BDNF: variants seen among roughly 807,000 people sequenced by gnomAD.
BDNF encodes brain derived neurotrophic factor.
A neutral mutation model predicts 19.5 loss-of-function variants in BDNF; 1 was observed. That is an observed-to-expected ratio of 0.05 (90% CI 0.02 to 0.24). BDNF has a LOEUF of 0.24. Ranked by LOEUF, BDNF falls within the 10% of genes least tolerant of loss-of-function variation. The pLI is 1.00. For synonymous variants in BDNF, 100 were observed against 121.6 expected, an observed-to-expected ratio of 0.82 and a Z score of 1.17; for missense variants, 195 against 317.6, an observed-to-expected ratio of 0.61 and a Z score of 2.93.
At chr11:27,703,987 C>G (rs1345850176), upstream of BDNF, among the ~76,000 whole-genome samples, 1 of 152,290 alleles carries the variant, frequency 6.6e-6, no homozygotes, top group East Asian at 1.9e-4. Context: ...TTGCTTAATT[C>G]AGGTAGCATA....
rs1852524861 is a variant in BDNF, at chr11:27,656,179, A to G, written c.*1642T>C. On this transcript the variant is annotated 3_prime_UTR_variant, in exon 2 of 2. Coordinates refer to ENST00000356660, the MANE Select transcript of BDNF (RefSeq NM_001709.5). ...TTCCCTTACCAAAAGTTCTCAAAAG[A>G]TAAACCCTGGTTTCCTCAAGTCTAG... 6.6e-6 allele frequency: 1 copy of G among 152,180 alleles called. No individual in the cohort carries two copies. 9.4% of individuals were successfully genotyped at this position (152,180 alleles called of 1,614,324 possible).
intron 1 of BDNF, among the ~76,000 whole-genome samples, chr11:27,661,997 C>T (rs1261389923): frequency 1.3e-5 from 2 of 151,366 alleles, no homozygotes; most frequent in African/African-American, 2.4e-5. Flanking sequence ...TCCCTTCTCA[C>T]TTGTTTTGTT....
At chr11:27,674,510 G>T (rs1289029436) in intron 1 of BDNF, 21 of 985,040 alleles carry the variant, frequency 2.1e-5, no homozygotes, top group African/African-American at 3.5e-5. Context: ...TGCATAATGA[G>T]CCATGTGGAC....
chr11:27,699,363 C>G (rs1300727021), intron 1 of BDNF: 75 of 1,613,904 alleles, frequency 4.6e-5, no homozygotes, highest in Non-Finnish European at 6.1e-5. Flanking sequence ...CTATTTCTTT[C>G]CAGGAGTAAC....
chr11:27,673,618 C>A (rs192293149), intron 1 of BDNF, among the ~76,000 whole-genome samples: 2 of 152,204 alleles, frequency 1.3e-5, no homozygotes, highest in African/African-American at 4.8e-5. Context: ...TTTAATAGAC[C>A]CCAGAGCTGT....
At chr11:27,659,650 CGCGCGCGCGTGT>C (rs1051033251) in intron 1 of BDNF, 14 of 331,882 alleles carry the variant, frequency 4.2e-5, no homozygotes, top group Middle Eastern at 1.3e-3. Flanking sequence ...TGTGTGTGTG[CGCGCGCGCGTGT>C]GCGCGCGCTC....
chr11:27,660,045 T>C (rs1590226871), intron 1 of BDNF: 1 of 368,180 alleles, frequency 2.7e-6, no homozygotes, highest in Non-Finnish European at 4.4e-6. Flanking sequence ...TTCTGAGGCA[T>C]GGACTTACAA....
chr11:27,701,089 C>T (rs1171331990), upstream of BDNF: 1 of 1,322,192 alleles, frequency 7.6e-7, no homozygotes, highest in Non-Finnish European at 1.0e-6. Context: ...AAACAGAGTT[C>T]GCGCACTGAC....
chr11:27,668,296 A>G (rs942695582), intron 1 of BDNF, among the ~76,000 whole-genome samples: 3 of 152,234 alleles, frequency 2.0e-5, no homozygotes, highest in Non-Finnish European at 4.4e-5. Flanking sequence ...TATAGCACTA[A>G]ATGCCCACAA....
intron 1 of BDNF, among the ~76,000 whole-genome samples, chr11:27,721,187 C>A (rs780184626): frequency 6.6e-6 from 1 of 152,048 alleles, no homozygotes; most frequent in Non-Finnish European, 1.5e-5. Context: ...CAATATAACA[C>A]ACACCCCCCC....
intron 1 of BDNF, chr11:27,677,729 AATTTT>A (rs1856343462): frequency 6.6e-6 from 1 of 152,208 alleles, no homozygotes; most frequent in African/African-American, 2.4e-5. Flanking sequence ...ACTTCTTTTA[AATTTT>A]ATTTTGATTT....
chr11:27,658,726 G>C lies in BDNF; in HGVS notation c.-21-141C>G. 6.5e-7 allele frequency: 1 copy of C among 1,548,482 alleles called. No homozygotes were observed. Among genetic ancestry groups the C allele is most frequent in the Non-Finnish European group, 8.7e-7 (1 of 1,147,766 alleles). ...TATGTCTTGGTGATAAACTCCAGCT[G>C]CACCAGACACAAATCAGTGTCAGTA... On this transcript the variant is annotated intron_variant, in intron 1 of 1. Coordinates refer to ENST00000356660, the MANE Select transcript of BDNF (RefSeq NM_001709.5). The surrounding 1 kb of genome is among the most constrained non-coding windows in gnomAD (Gnocchi z 5.7).
chr11:27,660,833 C>G (rs1227006463), intron 1 of BDNF, among the ~76,000 whole-genome samples: 2 of 151,408 alleles, frequency 1.3e-5, no homozygotes, highest in Non-Finnish European at 1.5e-5. Flanking sequence ...AGTGCCCACA[C>G]TAACTACTTA....
chr11:27,690,987 A>G (rs1858183046), intron 1 of BDNF: 1 of 152,166 alleles, frequency 6.6e-6, no homozygotes, highest in Non-Finnish European at 1.5e-5. Context: ...TCTGCTATAG[A>G]GTCATTGTTA....
chr11:27,708,378 T>C (rs1450200874), intron 1 of BDNF, among the ~76,000 whole-genome samples: 1 of 152,208 alleles, frequency 6.6e-6, no homozygotes, highest in African/African-American at 2.4e-5. Context: ...GCAAAGTGAG[T>C]AAAAATAAGT....
At chr11:27,660,199 G>T in intron 1 of BDNF, 1 of 1,213,110 alleles carries the variant, frequency 8.2e-7, no homozygotes, top group Non-Finnish European at 1.0e-6. Flanking sequence ...GAAAACTCTG[G>T]TATTGAAAAG....
upstream of BDNF, among the ~76,000 whole-genome samples, chr11:27,703,836 G>GC (rs1860006561): frequency 5.3e-5 from 8 of 152,146 alleles, no homozygotes; most frequent in Admixed American, 5.2e-4. Context: ...TGTGATTATA[G>GC]CATTGCCAAT....
chr11:27,701,189 A>G, upstream of BDNF: 1 of 1,188,580 alleles, frequency 8.4e-7, no homozygotes, highest in Non-Finnish European at 1.1e-6. Flanking sequence ...ACACCAAGTT[A>G]CTTGTTCCAG....
intron 1 of BDNF, among the ~76,000 whole-genome samples, chr11:27,706,340 C>T (rs1276392170): frequency 6.6e-6 from 1 of 152,194 alleles, no homozygotes. Flanking sequence ...ATTTATAGGC[C>T]TGTCATTGCA....
Sources: allele counts gnomAD v4.1 joint callset (sites outside exome capture counted in the v4.1 genomes callset), GRCh38; gene constraint gnomAD v4.1.1; non-coding constraint Gnocchi (gnomAD v3.1); transcripts MANE v1.5; gene names NCBI Gene and HGNC (gene_info 2026-07-23, HGNC 2026-07-21).